Variants in VDAC1 observed in about 807,000 individuals in gnomAD.
VDAC1 encodes the protein voltage dependent anion channel 1.
A neutral mutation model predicts 34.7 loss-of-function variants in VDAC1; 10 were observed. The ratio of observed to expected loss-of-function variants is 0.29; its 90% CI spans 0.18 to 0.49. The LOEUF (loss-of-function observed/expected upper bound fraction) is 0.49. Ranked by LOEUF, VDAC1 falls within the 20% of genes least tolerant of loss-of-function variation. VDAC1 has a pLI of 0.99. For synonymous variants in VDAC1, 130 were observed against 136.0 expected, an observed-to-expected ratio of 0.96 and a Z score of 0.30; for missense variants, 230 against 347.9, an observed-to-expected ratio of 0.66 and a Z score of 2.69.
the VDAC1 span, among the ~76,000 whole-genome samples, chr5:134,022,133 C>G: frequency 1.6e-4 from 25 of 152,306 alleles, 1 homozygote; most frequent in Admixed American, 2.0e-4. Context: ...ACTGTGTCAG[C>G]CTCCCAAAGT....
chr5:134,094,541 C>T, the VDAC1 span, among the ~76,000 whole-genome samples: 40 of 152,078 alleles, frequency 2.6e-4, no homozygotes, highest in East Asian at 9.7e-4. Context: ...ACTAAAAATA[C>T]AAAAAATTAG....
chr5:134,045,394 A>G, the VDAC1 span, among the ~76,000 whole-genome samples: 1 of 152,210 alleles, frequency 6.6e-6, no homozygotes, highest in Non-Finnish European at 1.5e-5. Context: ...AGGAGGTCAG[A>G]AGTCCTAAAA....
chr5:134,096,895 T>C, the VDAC1 span, among the ~76,000 whole-genome samples: 1 of 152,252 alleles, frequency 6.6e-6, no homozygotes, highest in Non-Finnish European at 1.5e-5. Flanking sequence ...GCCCCATCTT[T>C]AGATGGACAG....
At chr5:134,073,012 G>A in the VDAC1 span, among the ~76,000 whole-genome samples, 1 of 152,160 alleles carries the variant, frequency 6.6e-6, no homozygotes, top group Non-Finnish European at 1.5e-5. Flanking sequence ...GGGGGTGGGC[G>A]GTTGGATGCC....
chr5:134,055,588 G>GTTTTTTTTTTTTTTTTT, the VDAC1 span, among the ~76,000 whole-genome samples: 43 of 59,612 alleles, frequency 7.2e-4, 5 homozygotes, highest in East Asian at 2.1e-3. Flanking sequence ...CCCCGCTAAT[G>GTTTTTTTTTTTTTTTTT]TTTTTTTTTT....
chr5:134,075,070 A>G, the VDAC1 span, among the ~76,000 whole-genome samples: 2 of 152,144 alleles, frequency 1.3e-5, no homozygotes, highest in African/African-American at 4.8e-5. Flanking sequence ...TGGATACACT[A>G]TTCACACTAT....
the VDAC1 span, among the ~76,000 whole-genome samples, chr5:134,093,171 A>T: frequency 6.6e-6 from 1 of 152,210 alleles, no homozygotes; most frequent in South Asian, 2.1e-4. Context: ...ATAGAACTGG[A>T]TATGGGTCCT....
At chr5:134,104,661 A>G in the VDAC1 span, among the ~76,000 whole-genome samples, 1 of 152,168 alleles carries the variant, frequency 6.6e-6, no homozygotes, top group African/African-American at 2.4e-5. Flanking sequence ...AGGAGGAGAA[A>G]GGGGAGAAAA....
At chr5:134,056,846 C>A in the VDAC1 span, among the ~76,000 whole-genome samples, 3 of 152,058 alleles carry the variant, frequency 2.0e-5, no homozygotes, top group African/African-American at 7.2e-5. Context: ...CCACCACGCC[C>A]GGCTAATTTT....
chr5:134,069,605 A>G, the VDAC1 span, among the ~76,000 whole-genome samples: 1 of 152,008 alleles, frequency 6.6e-6, no homozygotes, highest in Non-Finnish European at 1.5e-5. Context: ...AGACCACACT[A>G]TGGCCTTTGG....
the VDAC1 span, among the ~76,000 whole-genome samples, chr5:134,106,564 C>A: frequency 4.6e-5 from 7 of 152,090 alleles, no homozygotes; most frequent in Non-Finnish European, 8.8e-5. Flanking sequence ...CGCGCCTCCA[C>A]ACCCAGCTAA....
chr5:134,032,997 T>C, the VDAC1 span, among the ~76,000 whole-genome samples: 1 of 145,396 alleles, frequency 6.9e-6, no homozygotes, highest in South Asian at 2.3e-4. Flanking sequence ...CACTCCAGCC[T>C]GGGGGCAGAG....
At chr5:134,097,211 A>G in the VDAC1 span, among the ~76,000 whole-genome samples, 1 of 152,126 alleles carries the variant, frequency 6.6e-6, no homozygotes, top group Non-Finnish European at 1.5e-5. Flanking sequence ...CCCAGGTTGG[A>G]TTGATTAACA....
the VDAC1 span, among the ~76,000 whole-genome samples, chr5:134,082,784 C>G: frequency 1.3e-5 from 2 of 152,156 alleles, no homozygotes; most frequent in Non-Finnish European, 2.9e-5. Context: ...GTAGTGGTAC[C>G]TCATTGTGGT....
chr5:133,976,937 G>C (rs947657570), intron 6 of VDAC1, among the ~76,000 whole-genome samples: 10 of 152,138 alleles, frequency 6.6e-5, no homozygotes, highest in African/African-American at 2.4e-4. Context: ...CCAGCAACCT[G>C]GGGGGGTGAG....
the VDAC1 span, among the ~76,000 whole-genome samples, chr5:134,099,550 G>A: frequency 6.6e-6 from 1 of 152,200 alleles, no homozygotes; most frequent in South Asian, 2.1e-4. Flanking sequence ...CCTGGAGGCA[G>A]CCTTTCTCAC....
At chr5:133,974,889 G>A (rs1752415511) in intron 7 of VDAC1, among the ~76,000 whole-genome samples, 1 of 151,960 alleles carries the variant, frequency 6.6e-6, no homozygotes. Context: ...GGGGACGGAG[G>A]TTGCGCAGTG....
intron 1 of VDAC1, among the ~76,000 whole-genome samples, chr5:133,995,795 T>C (rs951157562): frequency 6.6e-6 from 1 of 152,138 alleles, no homozygotes; most frequent in Admixed American, 6.5e-5. Flanking sequence ...GACAATTTTA[T>C]GATAGAAATA....
At chr5:134,058,982 T>G in the VDAC1 span, among the ~76,000 whole-genome samples, 1 of 152,176 alleles carries the variant, frequency 6.6e-6, no homozygotes, top group African/African-American at 2.4e-5. Flanking sequence ...CGCGTGCCAA[T>G]GCAGAGGCTA....
Sources: allele counts gnomAD v4.1 joint callset (sites outside exome capture counted in the v4.1 genomes callset), GRCh38; gene constraint gnomAD v4.1.1; transcripts MANE v1.5; gene names NCBI Gene and HGNC (gene_info 2026-07-23, HGNC 2026-07-21).